The following XXYLT1 variants were observed in gnomAD, a reference collection of about 807,000 sequenced individuals.
The protein encoded by XXYLT1 is xyloside xylosyltransferase 1.
A neutral mutation model predicts 28.9 loss-of-function variants in XXYLT1; 20 were observed. That is an observed-to-expected ratio of 0.69 (90% CI 0.49 to 1.00). The LOEUF (loss-of-function observed/expected upper bound fraction) is 1.00. XXYLT1 is among the 50% of genes least tolerant of loss of function. XXYLT1 has a pLI of 0.00. For synonymous variants in XXYLT1, 257 were observed against 253.8 expected, an observed-to-expected ratio of 1.01 and a Z score of -0.12; for missense variants, 542 against 560.1, an observed-to-expected ratio of 0.97 and a Z score of 0.33.
intron 1 of XXYLT1, among the ~76,000 whole-genome samples, chr3:195,254,537 T>C (rs547508813): frequency 9.5e-4 from 144 of 152,354 alleles, no homozygotes; most frequent in African/African-American, 2.5e-3. Context: ...AAAACTGCTC[T>C]TTTGTTTCCC....
chr3:195,244,671 A>C (rs1724927015), intron 1 of XXYLT1, among the ~76,000 whole-genome samples: 1 of 150,460 alleles, frequency 6.6e-6, no homozygotes, highest in South Asian at 2.1e-4. Flanking sequence ...CTGAGGCAGG[A>C]AAATGGCGTG....
chr3:195,236,827 A>C lies in XXYLT1; in HGVS notation c.505-9971T>G, dbSNP rs187224401. On this transcript the variant is annotated intron_variant, in intron 1 of 3. Transcript: ENST00000310380. ...TCAGCAGGTGATGATTCCTGCCATT[A>C]CTGGGTCCTTCCCTTCAGGGCAGTA... is the stretch of plus-strand genomic sequence containing the variant. Among the ~76,000 whole-genome samples the C allele has an allele frequency of 3.5e-3, 526 of 151,452 alleles. 3 individuals carry two copies. Among genetic ancestry groups the C allele is most frequent in the African/African-American group, 0.012 (492 of 41,188 alleles).
intron 2 of XXYLT1, among the ~76,000 whole-genome samples, chr3:195,162,028 G>A (rs1022876430): frequency 2.0e-5 from 3 of 151,700 alleles, no homozygotes; most frequent in African/African-American, 7.3e-5. Flanking sequence ...ATCTGAGGCT[G>A]CAGTGAGCTG....
At chr3:195,127,772 ATGTG>A (rs3073344) in intron 3 of XXYLT1, among the ~76,000 whole-genome samples, 7 of 151,434 alleles carry the variant, frequency 4.6e-5, no homozygotes, top group East Asian at 2.0e-4. Flanking sequence ...GTGAGACAAA[ATGTG>A]TGTGTGTGTG....
chr3:195,229,299 TGA>T (rs1359390799), intron 1 of XXYLT1, among the ~76,000 whole-genome samples: 1 of 152,224 alleles, frequency 6.6e-6, no homozygotes, highest in Non-Finnish European at 1.5e-5. Flanking sequence ...ATGGAGTATA[TGA>T]GATATTTTCA....
chr3:195,082,837 A>T (rs886883319), intron 3 of XXYLT1, among the ~76,000 whole-genome samples: 1 of 152,044 alleles, frequency 6.6e-6, no homozygotes, highest in East Asian at 1.9e-4. Flanking sequence ...CATCTCAAAA[A>T]AAAAAAGAAG....
intron 3 of XXYLT1, among the ~76,000 whole-genome samples, chr3:195,119,380 G>T (rs1445623240): frequency 6.6e-6 from 1 of 151,780 alleles, no homozygotes; most frequent in Non-Finnish European, 1.5e-5. Context: ...TGTGACCTTA[G>T]ATTGCTGTAT....
chr3:195,185,913 C>T (rs886716085), intron 2 of XXYLT1, among the ~76,000 whole-genome samples: 12 of 152,134 alleles, frequency 7.9e-5, no homozygotes, highest in Non-Finnish European at 1.5e-4. Flanking sequence ...CCTTTCTTTT[C>T]CTGTGAAGGC....
chr3:195,069,806 C>T lies in XXYLT1; in HGVS notation c.1091G>A (p.Gly364Asp). ...ATAGGCCTCGAAGACGTCACTGTAG[C>T]CATGGTCCCTCCACCAGGTGCACAG... The part of the protein sequence containing the change: ...RQLCTWWRDH[G>D]YSDVFEAYFR... The change falls in exon 4 of 4, where the codon GGC becomes GAC. Residue 364 changes from glycine (G) to aspartate (D), a missense_variant. Coordinates refer to ENST00000310380, the MANE Select transcript of XXYLT1 (RefSeq NM_152531.5). The T allele has an allele frequency of 6.2e-7, 1 of 1,614,186 alleles. No homozygotes were observed. The highest frequency in any genetic ancestry group is 8.5e-7 in the Non-Finnish European group (1 of 1,180,032).
intron 2 of XXYLT1, among the ~76,000 whole-genome samples, chr3:195,182,329 G>C (rs544553766): frequency 1.6e-4 from 25 of 152,348 alleles, no homozygotes; most frequent in African/African-American, 5.5e-4. Context: ...CACTGCTGCT[G>C]CTGCTGCTAT....
intron 1 of XXYLT1, among the ~76,000 whole-genome samples, chr3:195,229,985 A>T (rs1724231012): frequency 6.6e-6 from 1 of 152,162 alleles, no homozygotes; most frequent in Non-Finnish European, 1.5e-5. Context: ...TAGTGATTGT[A>T]CTAATTCACA....
rs969382439 is a variant in XXYLT1, at chr3:195,176,449, G to A, written c.653-19868C>T. Among the ~76,000 whole-genome samples the A allele has an allele frequency of 6.6e-6, 1 of 152,192 alleles. No homozygotes were observed. The highest frequency in any genetic ancestry group is 1.5e-5 in the Non-Finnish European group (1 of 68,042). On this transcript the variant is annotated intron_variant, in intron 2 of 3. Coordinates refer to ENST00000310380, the MANE Select transcript of XXYLT1 (RefSeq NM_152531.5). The surrounding 1 kb of genome is among the most constrained non-coding windows in gnomAD (Gnocchi z 4.9). ...ACACTTCTCCCCCATGATCTGAAAA[G>A]AACTGGTATGAAATGAGATGAGAAG...
intron 3 of XXYLT1, chr3:195,153,742 C>T (rs1231111839): frequency 6.6e-6 from 1 of 152,240 alleles, no homozygotes; most frequent in African/African-American, 2.4e-5. Context: ...TGTCTAAGCA[C>T]GATGGGTTTC....
intron 3 of XXYLT1, 141 bp downstream of exon 3, chr3:195,156,308 A>G (rs1004508411): frequency 5.0e-6 from 7 of 1,388,718 alleles, no homozygotes; most frequent in East Asian, 4.7e-5. Context: ...ACTGTAAGCA[A>G]TAAGTACCAA....
chr3:195,206,135 C>T (rs1252740655), intron 2 of XXYLT1, among the ~76,000 whole-genome samples: 3 of 150,900 alleles, frequency 2.0e-5, no homozygotes, highest in Admixed American at 6.6e-5. Context: ...CACCATTCTC[C>T]GAGTAGCTGG....
rs577287196 is a variant in XXYLT1 at position 195,245,695 on chromosome 3, C to T, written c.505-18839G>A. On this transcript the variant is annotated intron_variant, in intron 1 of 3. Transcript: ENST00000310380. Reference sequence around the variant, plus strand: ...CCGGACTGGGGCCTGGTGGGAGGTACGGAATCATGGGGGCGGGTCCTTCAT... The same window carrying T: ...CCGGACTGGGGCCTGGTGGGAGGTATGGAATCATGGGGGCGGGTCCTTCAT... Among the ~76,000 whole-genome samples, 7 of 152,236 alleles carry T rather than the reference C, an allele frequency of 4.6e-5. No individual in the cohort carries two copies. The South Asian group carries it at 6.2e-4, about 14-fold the overall frequency.
rs1446172992 is a variant in XXYLT1, at chr3:195,180,640, G to C, written c.653-24059C>G. The C allele has an allele frequency of 5.2e-6, 4 of 768,724 alleles. No individual in the cohort carries two copies. The highest frequency in any genetic ancestry group is 2.6e-4 in the East Asian group (2 of 7,766). The allele number at this position is 768,724 out of a possible 1,614,324, so 47.6% of individuals were successfully genotyped here. Reference sequence around the variant, plus strand: ...TAAGAGCACCAGACGGCGGTGGCTGGAGCACCCCGTGCCACTGCAAACGTG... The same window carrying C: ...TAAGAGCACCAGACGGCGGTGGCTGCAGCACCCCGTGCCACTGCAAACGTG... On this transcript the variant is annotated intron_variant, in intron 2 of 3. Coordinates refer to ENST00000310380, the MANE Select transcript of XXYLT1 (RefSeq NM_152531.5). This position sits in a 1 kb window ranked among gnomAD's most constrained non-coding sequence, Gnocchi z 5.8.
intron 3 of XXYLT1, among the ~76,000 whole-genome samples, chr3:195,139,562 A>C (rs547533593): frequency 7.9e-5 from 12 of 152,188 alleles, no homozygotes; most frequent in African/African-American, 2.9e-4. Context: ...TAGGCTATAT[A>C]CCTCTTGAGG....
intron 2 of XXYLT1, among the ~76,000 whole-genome samples, chr3:195,218,330 A>G (rs375477920): frequency 0.029 from 4,335 of 151,166 alleles, 48 homozygotes; most frequent in East Asian, 0.088. Context: ...TAATTAAACT[A>G]AAGAGCTTCT....
Sources: allele counts gnomAD v4.1 joint callset (sites outside exome capture counted in the v4.1 genomes callset), GRCh38; gene constraint gnomAD v4.1.1; non-coding constraint Gnocchi (gnomAD v3.1); transcripts MANE v1.5; gene names NCBI Gene and HGNC (gene_info 2026-07-23, HGNC 2026-07-21).